Variants in DSCAM observed in about 807,000 individuals in gnomAD.
The protein encoded by DSCAM is cell adhesion molecule DSCAM.
Under a neutral mutation model 217.7 loss-of-function variants are expected in DSCAM, and 47 were observed. The observed-to-expected ratio is 0.22, with a 90% CI of 0.17 to 0.28. The LOEUF (loss-of-function observed/expected upper bound fraction) is 0.28, where lower values mean the gene tolerates loss of function less well. Among genes scored for constraint, DSCAM ranks in the 10% least tolerant of loss-of-function variants. The pLI is 1.00. For synonymous variants in DSCAM, 1,056 were observed against 1,015.3 expected (o/e 1.04, Z -0.76); for missense variants, 2,080 against 2,618.3 (o/e 0.79, Z 4.49).
chr21:40,713,670 G>A (rs1478744281), intron 1 of DSCAM, among the ~76,000 whole-genome samples: 1 of 152,164 alleles, frequency 6.6e-6, no homozygotes, highest in African/African-American at 2.4e-5. Context: ...AAGTTATGAG[G>A]ATGGCATATG....
chr21:40,524,394 G>C (rs1391382601), intron 3 of DSCAM, among the ~76,000 whole-genome samples: 1 of 151,400 alleles, frequency 6.6e-6, no homozygotes, highest in African/African-American at 2.4e-5. Context: ...TTCTTTGCTT[G>C]ATAAAGTAAT....
chr21:40,610,192 T>C (rs79172532), intron 3 of DSCAM, among the ~76,000 whole-genome samples: 3,610 of 152,232 alleles, frequency 0.024, 72 homozygotes, highest in Middle Eastern at 0.037. Context: ...TATCCACTCT[T>C]TACTGTAGAA....
At chr21:40,692,761 T>C (rs1337642288) in intron 3 of DSCAM, 49 bp downstream of exon 3, 2 of 1,567,424 alleles carry the variant, frequency 1.3e-6, no homozygotes, top group Non-Finnish European at 1.7e-6. Context: ...GAAATAACCT[T>C]TTCAGAAGGT....
At chr21:40,380,891 G>A (rs903928736) in intron 3 of DSCAM, among the ~76,000 whole-genome samples, 1 of 151,670 alleles carries the variant, frequency 6.6e-6, no homozygotes. Context: ...GTGAAACCCC[G>A]TCTCTACTAA....
chr21:40,588,788 A>G (rs1476028183), intron 3 of DSCAM, among the ~76,000 whole-genome samples: 1 of 152,220 alleles, frequency 6.6e-6, no homozygotes, highest in African/African-American at 2.4e-5. Flanking sequence ...ACATGTGGAA[A>G]AACATTTAAC....
intron 1 of DSCAM, among the ~76,000 whole-genome samples, chr21:40,812,394 C>G (rs2091846841): frequency 6.6e-6 from 1 of 152,150 alleles, no homozygotes; most frequent in African/African-American, 2.4e-5. Flanking sequence ...GGAGTCCATG[C>G]ATTCTACTGT....
intron 3 of DSCAM, among the ~76,000 whole-genome samples, chr21:40,585,845 C>T (rs560340220): frequency 6.6e-6 from 1 of 152,244 alleles, no homozygotes; most frequent in Admixed American, 6.5e-5. Flanking sequence ...GGCACCTTCC[C>T]TGTGCTCATT....
chr21:40,679,126 G>C (rs1384664660), intron 3 of DSCAM, among the ~76,000 whole-genome samples: 5 of 152,322 alleles, frequency 3.3e-5, no homozygotes, highest in Middle Eastern at 3.4e-3. Context: ...CTTGGGAGGA[G>C]AGGCTGATGT....
chr21:40,559,997 G>A (rs907217907), intron 3 of DSCAM, among the ~76,000 whole-genome samples: 10 of 152,150 alleles, frequency 6.6e-5, no homozygotes, highest in Admixed American at 2.6e-4. Flanking sequence ...GTTTCACCGT[G>A]TTAGCCAGGA....
At chr21:40,284,220 G>C (rs1220713235) in intron 10 of DSCAM, among the ~76,000 whole-genome samples, 1 of 152,214 alleles carries the variant, frequency 6.6e-6, no homozygotes, top group Admixed American at 6.5e-5. Flanking sequence ...CAGTGAAGGA[G>C]TGCTGAAGAG....
intron 32 of DSCAM, among the ~76,000 whole-genome samples, chr21:40,030,306 C>T (rs1026526044): frequency 1.6e-4 from 25 of 152,210 alleles, no homozygotes; most frequent in African/African-American, 9.6e-5. Flanking sequence ...ACAAGACCCA[C>T]AGAGATCCCC....
At chr21:40,193,199 C>A (rs1446260616) in intron 11 of DSCAM, among the ~76,000 whole-genome samples, 2 of 152,076 alleles carry the variant, frequency 1.3e-5, no homozygotes, top group Admixed American at 6.6e-5. Flanking sequence ...AGATTGGGTG[C>A]ACCTATAAAA....
At chr21:40,516,368 A>C (rs113258120) in intron 3 of DSCAM, among the ~76,000 whole-genome samples, 325 of 152,306 alleles carry the variant, frequency 2.1e-3, no homozygotes, top group Non-Finnish European at 3.7e-3. Context: ...GATGTTTCTC[A>C]GACCATGGAA....
intron 11 of DSCAM, among the ~76,000 whole-genome samples, chr21:40,192,151 A>G (rs1380592785): frequency 6.6e-6 from 1 of 152,174 alleles, no homozygotes; most frequent in African/African-American, 2.4e-5. Flanking sequence ...AAGCATTTAC[A>G]TTACCCCAAA....
Position 40,295,371 on chromosome 21 carries a change from G to C in DSCAM, c.2182+684C>G, listed in dbSNP as rs59041801. ...AATGAACAGAAATTGTTTTTCCAAA[G>C]TCTAACATGATTCCACTCTTCGTTT... On this transcript the variant is annotated intron_variant, in intron 10 of 32. Coordinates refer to ENST00000400454, the MANE Select transcript of DSCAM (RefSeq NM_001389.5). 4.3e-3 allele frequency among the ~76,000 whole-genome samples: 662 copies of C among 152,274 alleles called. 7 individuals carry two copies. The highest frequency in any genetic ancestry group is 0.015 in the African/African-American group (639 of 41,554).
rs1319465900 is a variant in DSCAM at position 40,504,625 on chromosome 21, G to A, written c.509-135380C>T. ...GCGATGCGAAAGGCTCAAATAATGC[G>A]TGACACAAGATGTTAACAGCTGTTT... is the stretch of plus-strand genomic sequence containing the variant. On this transcript the variant is annotated intron_variant, in intron 3 of 32. Transcript: ENST00000400454. Among the ~76,000 whole-genome samples, 9 of 152,262 alleles carry A rather than the reference G, an allele frequency of 5.9e-5. No individual in the cohort carries two copies. In the East Asian group the frequency reaches 9.7e-4, roughly 16 times the overall value.
chr21:40,416,008 G>C (rs940995087), intron 3 of DSCAM, among the ~76,000 whole-genome samples: 1 of 152,168 alleles, frequency 6.6e-6, no homozygotes, highest in Admixed American at 6.5e-5. Flanking sequence ...ATAGGCAAAA[G>C]AGGTTATTTG....
chr21:40,582,611 A>G (rs8131043), intron 3 of DSCAM, among the ~76,000 whole-genome samples: 3,234 of 152,338 alleles, frequency 0.021, 104 homozygotes, highest in African/African-American at 0.073. Context: ...ATAAACACAC[A>G]TAATACATAT....
chr21:40,580,096 T>G (rs8126952), intron 3 of DSCAM, among the ~76,000 whole-genome samples: 1 of 150,122 alleles, frequency 6.7e-6, no homozygotes, highest in African/African-American at 2.5e-5. Flanking sequence ...TTTTTTTTTT[T>G]CCTGAGACAG....
Sources: gnomAD v4.1 joint callset for allele counts (sites outside exome capture counted in the v4.1 genomes callset) on GRCh38, gnomAD v4.1.1 for gene constraint, MANE v1.5 for transcripts, NCBI Gene and HGNC (gene_info 2026-07-23, HGNC 2026-07-21) for gene names.